The following SV2C variants were observed in gnomAD, a reference collection of about 807,000 sequenced individuals.
SV2C encodes the protein synaptic vesicle glycoprotein 2C, also known as solute carrier family 22 member B3.
SV2C carries 49 observed loss-of-function variants against 79.7 expected under a neutral mutation model. The observed-to-expected ratio is 0.61, with a 90% CI of 0.49 to 0.78. SV2C has a LOEUF of 0.78. Among genes scored for constraint, SV2C ranks in the 30% least tolerant of loss-of-function variants. The probability of loss-of-function intolerance (pLI) is 0.00; values close to 1 mark genes in which losing one functional copy is unlikely to be tolerated. For synonymous variants in SV2C, 334 were observed against 333.2 expected (o/e 1.00, Z -0.03); for missense variants, 833 against 912.9 (o/e 0.91, Z 1.13).
At chr5:76,247,517 C>T (rs967328284) in intron 4 of SV2C, among the ~76,000 whole-genome samples, 17 of 152,158 alleles carry the variant, frequency 1.1e-4, no homozygotes, top group African/African-American at 3.6e-4. Context: ...TCTCCTGCAA[C>T]GTGATTATTT....
At chr5:75,966,934 G>A in the SV2C span, among the ~76,000 whole-genome samples, 5 of 152,206 alleles carry the variant, frequency 3.3e-5, no homozygotes, top group East Asian at 5.8e-4. Context: ...CATGACTTGC[G>A]GCAACTTACT....
the SV2C span, among the ~76,000 whole-genome samples, chr5:76,032,239 G>A: frequency 6.6e-6 from 1 of 150,668 alleles, no homozygotes; most frequent in Non-Finnish European, 1.5e-5. Context: ...TTTTTCCTGT[G>A]ATAAATAATC....
At chr5:75,946,860 C>A in the SV2C span, among the ~76,000 whole-genome samples, 1 of 152,090 alleles carries the variant, frequency 6.6e-6, no homozygotes, top group Non-Finnish European at 1.5e-5. Flanking sequence ...TCTATCCATT[C>A]ATGAGAATTA....
the SV2C span, among the ~76,000 whole-genome samples, chr5:75,988,209 A>G: frequency 6.6e-6 from 1 of 151,942 alleles, no homozygotes; most frequent in African/African-American, 2.4e-5. Context: ...TTTCAGAGGC[A>G]TGTTTTCATG....
chr5:76,049,324 G>GAAAAAAAAAA, the SV2C span, among the ~76,000 whole-genome samples: 1 of 107,036 alleles, frequency 9.3e-6, no homozygotes. Context: ...GTGACAGAGC[G>GAAAAAAAAAA]AAAAAAAAAA....
At chr5:75,881,162 C>T in the SV2C span, among the ~76,000 whole-genome samples, 1 of 152,114 alleles carries the variant, frequency 6.6e-6, no homozygotes, top group East Asian at 1.9e-4. Context: ...CCCACCAGGC[C>T]CCATATCCAA....
At chr5:76,242,187 G>T in intron 4 of SV2C, 1 of 1,034,514 alleles carries the variant, frequency 9.7e-7, no homozygotes, top group Non-Finnish European at 1.5e-6. Context: ...GTGGGCTCTG[G>T]CTTTGGAGGA....
At chr5:76,311,889 A>G (rs775638249) in intron 12 of SV2C, among the ~76,000 whole-genome samples, 5 of 152,166 alleles carry the variant, frequency 3.3e-5, no homozygotes, top group Non-Finnish European at 7.4e-5. Context: ...CAGAAGATGC[A>G]TTTCATTTTT....
intron 4 of SV2C, among the ~76,000 whole-genome samples, chr5:76,233,618 A>G (rs1277503099): frequency 6.7e-6 from 1 of 150,224 alleles, no homozygotes; most frequent in Non-Finnish European, 1.5e-5. Context: ...TGTCCCATCA[A>G]TACCTAATTT....
chr5:76,219,072 G>A (rs760458289), intron 4 of SV2C, among the ~76,000 whole-genome samples: 3 of 152,122 alleles, frequency 2.0e-5, no homozygotes, highest in Non-Finnish European at 2.9e-5. Flanking sequence ...AGGGTGTCAG[G>A]GCAGGCCTCA....
At chr5:76,305,829 A>C (rs185439424) in intron 12 of SV2C, among the ~76,000 whole-genome samples, 200 of 152,362 alleles carry the variant, frequency 1.3e-3, no homozygotes, top group African/African-American at 4.7e-3. Flanking sequence ...GTGACATTCT[A>C]GCTTTTTCCC....
At chr5:76,317,340 C>T (rs958443221) in intron 12 of SV2C, among the ~76,000 whole-genome samples, 1 of 152,162 alleles carries the variant, frequency 6.6e-6, no homozygotes, top group Non-Finnish European at 1.5e-5. Context: ...CATGCTGAGT[C>T]TTGAGTATCC....
intron 4 of SV2C, among the ~76,000 whole-genome samples, chr5:76,237,204 T>A (rs1004523356): frequency 1.3e-5 from 2 of 152,208 alleles, no homozygotes; most frequent in Non-Finnish European, 2.9e-5. Context: ...TAATCAGAAT[T>A]TACATTATTC....
the SV2C span, among the ~76,000 whole-genome samples, chr5:75,860,734 A>G: frequency 1.3e-5 from 2 of 152,248 alleles, no homozygotes; most frequent in Non-Finnish European, 2.9e-5. Flanking sequence ...ACTAGTACAA[A>G]AACACATAGA....
chr5:75,956,334 G>C, the SV2C span, among the ~76,000 whole-genome samples: 1 of 142,730 alleles, frequency 7.0e-6, no homozygotes, highest in Non-Finnish European at 1.5e-5. Flanking sequence ...CTCATAGGTG[G>C]GAATTGAACA....
chr5:75,900,987 T>C, the SV2C span, among the ~76,000 whole-genome samples: 1 of 152,224 alleles, frequency 6.6e-6, no homozygotes, highest in Non-Finnish European at 1.5e-5. Context: ...TACATTTGTC[T>C]AAACTTTTTT....
intron 1 of SV2C, among the ~76,000 whole-genome samples, chr5:76,084,830 C>T (rs1747124079): frequency 1.4e-5 from 2 of 146,906 alleles, no homozygotes; most frequent in Middle Eastern, 3.6e-3. Context: ...CAGAGGGGGG[C>T]GGGAGGACTG....
the SV2C span, among the ~76,000 whole-genome samples, chr5:75,884,421 A>G: frequency 2.4e-4 from 37 of 152,286 alleles, no homozygotes; most frequent in African/African-American, 8.2e-4. Context: ...TTACATAGCT[A>G]AATAATATCC....
chr5:75,959,095 A>G, the SV2C span, among the ~76,000 whole-genome samples: 1 of 151,922 alleles, frequency 6.6e-6, no homozygotes, highest in African/African-American at 2.4e-5. Flanking sequence ...TTCATTTTTT[A>G]TTAAGCAAGT....
Sources: allele counts gnomAD v4.1 joint callset (sites outside exome capture counted in the v4.1 genomes callset), GRCh38; gene constraint gnomAD v4.1.1; transcripts MANE v1.5; gene names NCBI Gene and HGNC (gene_info 2026-07-23, HGNC 2026-07-21).